Variants in TMEM72 observed in about 807,000 individuals in gnomAD.
The protein encoded by TMEM72 is transmembrane protein 72.
In TMEM72, 9 loss-of-function variants were observed where a neutral mutation model predicts 16.3. The ratio of observed to expected loss-of-function variants is 0.55; its 90% CI spans 0.33 to 0.96. The LOEUF (loss-of-function observed/expected upper bound fraction) is 0.96, where lower values mean the gene tolerates loss of function less well. Among genes scored for constraint, TMEM72 ranks in the 40% least tolerant of loss-of-function variants. The probability of loss-of-function intolerance (pLI) is 0.03; values close to 1 mark genes in which losing one functional copy is unlikely to be tolerated. For synonymous variants in TMEM72, 160 were observed against 146.5 expected (o/e 1.09, Z -0.66); for missense variants, 324 against 337.8 (o/e 0.96, Z 0.32).
rs750138293 is a variant in TMEM72 at position 44,934,951 on chromosome 10, C to G, written c.645C>G (p.Ser215=). The change falls in exon 5 of 5, where the codon TCC becomes TCG. Residue 215 remains serine, a synonymous_variant. Coordinates refer to ENST00000389583, the MANE Select transcript of TMEM72 (RefSeq NM_001123376.3). The stretch of plus-strand genomic sequence containing the variant: ...AGCTGAGCCTGGAGCCAGCCGACTC[C>G]CTGGCCAAGAAGAAGCAGGTGCACT... ...LMELSLEPAD[S]LAKKKQVHFE... is the part of the protein sequence containing the mutation. 1 of 1,614,012 alleles carries G rather than the reference C, an allele frequency of 6.2e-7. No individual in the cohort carries two copies. Among genetic ancestry groups the G allele is most frequent in the South Asian group, 1.1e-5 (1 of 91,072 alleles).
At chr10:44,931,723 T>A in intron 2 of TMEM72, 1 of 477,648 alleles carries the variant, frequency 2.1e-6, no homozygotes, top group South Asian at 2.9e-5. Context: ...TGCCTGCCAG[T>A]GTCACACAGG....
At chr10:44,931,872 TG>T in intron 2 of TMEM72, 125 bp from the exon 3 acceptor site, 3 of 931,414 alleles carry the variant, frequency 3.2e-6, no homozygotes, top group Admixed American at 2.2e-5. Context: ...GAATGTTGTC[TG>T]GGGGAATCCA....
chr10:44,921,377 C>G (rs574109025), intron 1 of TMEM72, among the ~76,000 whole-genome samples: 1 of 150,724 alleles, frequency 6.6e-6, no homozygotes, highest in East Asian at 1.9e-4. Context: ...ATGGCCGTGT[C>G]AAGCAGTGCT....
At position 44,928,229 on chromosome 10, in the gene TMEM72, T is replaced by G. The variant is rs555224061; in HGVS notation, c.137+242T>G. ...ACCAATTGATCCAGCCAGCCACCCA[T>G]CTATCCATCCATCTGCCCATCCATT... On this transcript the variant is annotated intron_variant, in intron 2 of 4. Transcript: ENST00000389583. Among the ~76,000 whole-genome samples the G allele has an allele frequency of 2.0e-5, 3 of 152,012 alleles. No individual in the cohort carries two copies. In the South Asian group the frequency reaches 6.3e-4, roughly 32 times the overall value.
rs906807415 is a variant in TMEM72, at chr10:44,911,519, C to G, written c.7C>G (p.Leu3Val). The G allele has an allele frequency of 2.6e-6, 4 of 1,551,004 alleles. No individual in the cohort carries two copies. Among genetic ancestry groups the G allele is most frequent in the Non-Finnish European group, 3.5e-6 (4 of 1,147,124 alleles). The change falls in exon 1 of 5, where the codon CTC (leucine) becomes GTC (valine). Residue 3 changes from leucine to valine, a missense_variant. By Grantham distance (32) the Leu-to-Val change is conservative (BLOSUM62 1). Transcript: ENST00000389583. MQ[L>V]QVFWTGLEYT... is the part of the protein sequence containing the mutation. ...TGTCCTCACCCCTGGCACCATGCAG[C>G]TCCAGGTGTTCTGGACTGGGCTGGA...
chr10:44,915,418 C>T (rs566557291), intron 1 of TMEM72, among the ~76,000 whole-genome samples: 4 of 151,628 alleles, frequency 2.6e-5, no homozygotes, highest in African/African-American at 9.8e-5. Flanking sequence ...GAAGGGAAAC[C>T]GAGGCCTGAT....
chr10:44,928,040 C>T lies in TMEM72; in HGVS notation c.137+53C>T, dbSNP rs1017794061. The T allele has an allele frequency of 1.9e-6, 3 of 1,585,642 alleles. No individual in the cohort carries two copies. In the African/African-American group the frequency reaches 4.0e-5, roughly 21 times the overall value. ...GACCTGCAAGTTCTGCTCAACTCACCCTACATCTGTCTACTCAGAATAACT... is the reference window on the plus strand; with the variant it reads ...GACCTGCAAGTTCTGCTCAACTCACTCTACATCTGTCTACTCAGAATAACT... On this transcript the variant is annotated intron_variant, in intron 2 of 4. Coordinates refer to ENST00000389583, the MANE Select transcript of TMEM72 (RefSeq NM_001123376.3).
chr10:44,933,906 C>T, intron 4 of TMEM72, 130 bp downstream of exon 4: 3 of 1,154,656 alleles, frequency 2.6e-6, no homozygotes, highest in Non-Finnish European at 3.5e-6. Flanking sequence ...CCTCTCTGAC[C>T]TAGAGGGTGG....
chr10:44,931,748 C>T (rs1289696579), intron 2 of TMEM72: 5 of 526,144 alleles, frequency 9.5e-6, no homozygotes, highest in East Asian at 3.1e-5. Context: ...CAGGTGAAGG[C>T]CATGTCACCT....
intron 1 of TMEM72, among the ~76,000 whole-genome samples, chr10:44,920,808 T>A (rs2065465): frequency 2.0e-5 from 3 of 152,036 alleles, no homozygotes; most frequent in Non-Finnish European, 2.9e-5. Context: ...TTTTCCAGAA[T>A]AAGATGCAGA....
Position 44,934,917 on chromosome 10 carries a change from C to T in TMEM72, c.611C>T (p.Thr204Ile). The change falls in exon 5 of 5, where the codon ACC (threonine) becomes ATC (isoleucine). Residue 204 changes from threonine to isoleucine, a missense_variant. By Grantham distance (89) the Thr-to-Ile change is moderately conservative. Coordinates refer to ENST00000389583, the MANE Select transcript of TMEM72 (RefSeq NM_001123376.3). ...KKPSALQPPN[T>I]LMELSLEPAD... is the part of the protein sequence containing the mutation. ...CCCAGTGCCCTCCAGCCCCCCAACA[C>T]CCTGATGGAGCTGAGCCTGGAGCCA... is the stretch of plus-strand genomic sequence containing the variant. 6.2e-7 allele frequency: 1 copy of T among 1,613,678 alleles called. No individual in the cohort carries two copies. Among genetic ancestry groups the T allele is most frequent in the Non-Finnish European group, 8.5e-7 (1 of 1,179,892 alleles).
At chr10:44,912,949 C>T (rs1340854218) in intron 1 of TMEM72, among the ~76,000 whole-genome samples, 2 of 152,154 alleles carry the variant, frequency 1.3e-5, no homozygotes, top group Non-Finnish European at 2.9e-5. Context: ...GTCAGAGGGA[C>T]AGCCAGCCCG....
chr10:44,927,888 AG>A, intron 1 of TMEM72, 32 bp from the exon 2 acceptor site: 1 of 1,604,706 alleles, frequency 6.2e-7, no homozygotes, highest in African/African-American at 1.4e-5. Context: ...GTAGAGCACC[AG>A]GCCCACTCTT....
chr10:44,935,079 C>T lies in TMEM72; in HGVS notation c.773C>T (p.Pro258Leu). 2 of 1,612,382 alleles carry T rather than the reference C, an allele frequency of 1.2e-6. No homozygotes were observed. Among genetic ancestry groups the T allele is most frequent in the Non-Finnish European group, 1.7e-6 (2 of 1,179,232 alleles). Reference protein sequence around the residue: ...ETTSDTTPIIPPPQAPLFLSS... With the variant: ...ETTSDTTPIILPPQAPLFLSS... ...ACCTCTGACACGACACCCATCATTC[C>T]CCCTCCCCAGGCCCCACTCTTCCTG... Residue 258 changes from proline (P) to leucine (L), a missense_variant, in exon 5 of 5, where the codon CCC becomes CTC. Transcript: ENST00000389583.
chr10:44,931,857 G>T, intron 2 of TMEM72, 141 bp from the exon 3 acceptor site: 1 of 808,226 alleles, frequency 1.2e-6, no homozygotes, highest in South Asian at 1.7e-5. Context: ...GAGACAGCCC[G>T]TGGTGAATGT....
At chr10:44,922,969 G>C (rs541955423) in intron 1 of TMEM72, 2 of 152,238 alleles carry the variant, frequency 1.3e-5, no homozygotes, top group Admixed American at 6.5e-5. Flanking sequence ...AACCTTGCAT[G>C]GCTGCATAAC....
rs1474187122 is a variant in TMEM72, at chr10:44,934,937, G to A, written c.631G>A (p.Glu211Lys). 10 of 1,613,770 alleles carry A rather than the reference G, an allele frequency of 6.2e-6. No homozygotes were observed. The highest frequency in any genetic ancestry group is 8.5e-6 in the Non-Finnish European group (10 of 1,179,980). The stretch of plus-strand genomic sequence containing the variant: ...CAACACCCTGATGGAGCTGAGCCTG[G>A]AGCCAGCCGACTCCCTGGCCAAGAA... ...PPNTLMELSL[E>K]PADSLAKKKQ... Residue 211 changes from glutamate to lysine, a missense_variant, in exon 5 of 5, where the codon GAG becomes AAG. By Grantham distance (56) the Glu-to-Lys change is moderately conservative (BLOSUM62 1). Coordinates refer to ENST00000389583, the MANE Select transcript of TMEM72 (RefSeq NM_001123376.3).
At chr10:44,929,628 C>G (rs1009552833) in intron 2 of TMEM72, among the ~76,000 whole-genome samples, 2 of 152,262 alleles carry the variant, frequency 1.3e-5, no homozygotes, top group Non-Finnish European at 2.9e-5. Flanking sequence ...ACACTGCCAT[C>G]TAGACACACA....
chr10:44,929,234 G>T (rs754278202), intron 2 of TMEM72, among the ~76,000 whole-genome samples: 3 of 152,154 alleles, frequency 2.0e-5, no homozygotes, highest in Non-Finnish European at 2.9e-5. Context: ...CCTGTGCAGT[G>T]GTGTCCCAGG....
Sources: allele counts gnomAD v4.1 joint callset (sites outside exome capture counted in the v4.1 genomes callset), GRCh38; gene constraint gnomAD v4.1.1; transcripts MANE v1.5; gene names NCBI Gene and HGNC (gene_info 2026-07-23, HGNC 2026-07-21).